Variants in KLRG2 observed in about 807,000 individuals in gnomAD.
The protein encoded by KLRG2 is killer cell lectin-like receptor subfamily G member 2.
A neutral mutation model predicts 35.4 loss-of-function variants in KLRG2; 39 were observed. That is an observed-to-expected ratio of 1.10 (90% CI 0.85 to 1.44). The LOEUF is 1.44. Ranked by LOEUF, KLRG2 falls within the 40% of genes most tolerant of loss-of-function variation. The pLI is 0.00. For missense variants in KLRG2, 632 were observed against 570.9 expected (o/e 1.11, Z -1.09); for synonymous variants, 283 against 265.8 (o/e 1.06, Z -0.63).
rs147485098 is a variant in KLRG2 at position 139,464,331 on chromosome 7, T to C, written c.1006-10117A>G. Among the ~76,000 whole-genome samples, 809 of 152,354 alleles carry C rather than the reference T, an allele frequency of 5.3e-3. 8 individuals are homozygous for C. The highest frequency in any genetic ancestry group is 0.018 in the African/African-American group (763 of 41,580). ...CTGTTATTACTCGCCTGTTACAGCA[T>C]GGCCTTTTAAAACCTATAAACTCTC... On this transcript the variant is annotated intron_variant, in intron 3 of 4. Coordinates refer to ENST00000340940, the MANE Select transcript of KLRG2 (RefSeq NM_198508.4).
chr7:139,430,730 C>T, the KLRG2 span, among the ~76,000 whole-genome samples: 2 of 152,056 alleles, frequency 1.3e-5, no homozygotes, highest in African/African-American at 4.8e-5. Context: ...ATAAACAGGC[C>T]AGGTGTGGTG....
chr7:139,444,453 A>AT, the KLRG2 span, among the ~76,000 whole-genome samples: 8 of 152,150 alleles, frequency 5.3e-5, no homozygotes, highest in African/African-American at 1.9e-4. Context: ...AATTGCTGGT[A>AT]TTACAGGTGT....
At chr7:139,428,048 G>A in the KLRG2 span, among the ~76,000 whole-genome samples, 1 of 152,108 alleles carries the variant, frequency 6.6e-6, no homozygotes, top group Admixed American at 6.5e-5. Context: ...GTAGGATTCA[G>A]CTGGGAGTGG....
chr7:139,450,036 AT>A (rs916245600), downstream of KLRG2, among the ~76,000 whole-genome samples: 8 of 145,010 alleles, frequency 5.5e-5, no homozygotes, highest in Admixed American at 2.1e-4. Context: ...TCTATTAACA[AT>A]TTTTTTTGTT....
intron 3 of KLRG2, among the ~76,000 whole-genome samples, chr7:139,454,856 AATAAT>A (rs1796440064): frequency 7.0e-6 from 1 of 143,524 alleles, no homozygotes; most frequent in Non-Finnish European, 1.5e-5. Context: ...TAATAATAAT[AATAAT>A]AATAACACAC....
chr7:139,468,597 CA>C (rs1180429451), intron 3 of KLRG2, among the ~76,000 whole-genome samples: 1 of 152,182 alleles, frequency 6.6e-6, no homozygotes, highest in Non-Finnish European at 1.5e-5. Context: ...GTGAAATAAA[CA>C]GCCTTGTTGC....
chr7:139,457,819 T>C (rs1796502993), intron 3 of KLRG2, among the ~76,000 whole-genome samples: 1 of 152,144 alleles, frequency 6.6e-6, no homozygotes, highest in Non-Finnish European at 1.5e-5. Flanking sequence ...GATCTCATTG[T>C]TAGCAAAAAT....
At chr7:139,429,094 T>C in the KLRG2 span, among the ~76,000 whole-genome samples, 2 of 152,248 alleles carry the variant, frequency 1.3e-5, no homozygotes, top group African/African-American at 4.8e-5. Flanking sequence ...TCACGTGAGT[T>C]CAGGAGTTCA....
At chr7:139,438,727 G>A in the KLRG2 span, among the ~76,000 whole-genome samples, 1 of 150,578 alleles carries the variant, frequency 6.6e-6, no homozygotes, top group African/African-American at 2.5e-5. Flanking sequence ...CCAGGCTGGA[G>A]TGCAATGGCG....
the KLRG2 span, among the ~76,000 whole-genome samples, chr7:139,446,818 C>T: frequency 1.3e-5 from 2 of 152,148 alleles, no homozygotes; most frequent in African/African-American, 4.8e-5. Flanking sequence ...TCACCCCTGA[C>T]CTGCCTGCCT....
the KLRG2 span, among the ~76,000 whole-genome samples, chr7:139,434,067 G>A: frequency 6.6e-6 from 1 of 152,178 alleles, no homozygotes; most frequent in African/African-American, 2.4e-5. Flanking sequence ...TGATGTCCCA[G>A]ACACAGGATG....
Position 139,483,500 on chromosome 7 carries a change from G to T in KLRG2, c.143C>A (p.Pro48Gln). 6.3e-7 allele frequency: 1 copy of T among 1,598,650 alleles called. No homozygotes were observed. The highest frequency in any genetic ancestry group is 8.5e-7 in the Non-Finnish European group (1 of 1,178,852). The change falls in exon 1 of 5, where the codon CCA (proline) becomes CAA (glutamine). Residue 48 changes from proline (P) to glutamine (Q), a missense_variant. Physicochemically the swap from Pro to Gln is moderately conservative, Grantham distance 76 (BLOSUM62 -1). Transcript: ENST00000340940. Reference sequence around the variant, plus strand: ...CTTCTCCACGGCCCCGGCCGGACTTGGGCTGCTTTCGGGACCTTCAGGTTG... The same window carrying T: ...CTTCTCCACGGCCCCGGCCGGACTTTGGCTGCTTTCGGGACCTTCAGGTTG... ...VRQPEGPESS[P>Q]SPAGAVEKAA...
rs191995159 is a variant in KLRG2, at chr7:139,473,638, G to A, written c.1005+5989C>T. 2.0e-3 allele frequency among the ~76,000 whole-genome samples: 305 copies of A among 152,318 alleles called. 6 individuals carry two copies. Among genetic ancestry groups the A allele is most frequent in the Admixed American group, 4.0e-3 (61 of 15,298 alleles). On this transcript the variant is annotated intron_variant, in intron 3 of 4. Coordinates refer to ENST00000340940, the MANE Select transcript of KLRG2 (RefSeq NM_198508.4). The stretch of plus-strand genomic sequence containing the variant: ...AAAATCAGAGCTAATGCAGGGAGCA[G>A]AGGAAAATTTCAAAAACACCAGCAT...
intron 4 of KLRG2, 50 bp from the exon 5 acceptor site, chr7:139,453,757 C>T (rs965484260): frequency 1.1e-5 from 17 of 1,609,076 alleles, no homozygotes; most frequent in Non-Finnish European, 1.4e-5. Context: ...GGTGCCGGGG[C>T]CTTGCTTCCC....
chr7:139,438,746 G>T, the KLRG2 span, among the ~76,000 whole-genome samples: 9 of 151,020 alleles, frequency 6.0e-5, no homozygotes, highest in Non-Finnish European at 1.0e-4. Flanking sequence ...CGTGATCTCA[G>T]CTCACTGCAA....
chr7:139,483,282 G>A lies in KLRG2; in HGVS notation c.361C>T (p.Pro121Ser). The A allele has an allele frequency of 3.8e-6, 6 of 1,558,852 alleles. No homozygotes were observed. Among genetic ancestry groups the A allele is most frequent in the Non-Finnish European group, 5.2e-6 (6 of 1,163,992 alleles). Reference sequence around the variant, plus strand: ...CGCACATCTACCTGCAGCTCCATGGGCGCCCAGGCGCTGGGCGCAGGCTCA... The same window carrying A: ...CGCACATCTACCTGCAGCTCCATGGACGCCCAGGCGCTGGGCGCAGGCTCA... ...GAEPAPSAWA[P>S]MELQVDVRVK... The change falls in exon 1 of 5, where the codon CCC (proline) becomes TCC (serine). Residue 121 changes from proline to serine, a missense_variant. Physicochemically the swap from Pro to Ser is moderately conservative, Grantham distance 74 (BLOSUM62 -1). Transcript: ENST00000340940.
chr7:139,454,965 A>T (rs17247416), intron 3 of KLRG2, among the ~76,000 whole-genome samples: 12,358 of 151,822 alleles, frequency 0.081, 611 homozygotes, highest in Non-Finnish European at 0.11. Context: ...TCAATGTCAC[A>T]CTATTTTTAA....
intron 3 of KLRG2, among the ~76,000 whole-genome samples, chr7:139,462,154 C>A (rs948046648): frequency 4.6e-5 from 7 of 152,176 alleles, no homozygotes; most frequent in African/African-American, 1.7e-4. Context: ...GAACCCAAAA[C>A]TCCATCGCTA....
chr7:139,473,364 C>G (rs897865460), intron 3 of KLRG2, among the ~76,000 whole-genome samples: 1 of 151,876 alleles, frequency 6.6e-6, no homozygotes, highest in Admixed American at 6.6e-5. Flanking sequence ...GAAACCACCC[C>G]CTCCTATCCG....
Sources: gnomAD v4.1 joint callset for allele counts (sites outside exome capture counted in the v4.1 genomes callset) on GRCh38, gnomAD v4.1.1 for gene constraint, MANE v1.5 for transcripts, NCBI Gene and HGNC (gene_info 2026-07-23, HGNC 2026-07-21) for gene names.